The following PEDS1 variants were observed in gnomAD, a reference collection of about 807,000 sequenced individuals.
PEDS1 encodes plasmanylethanolamine desaturase 1.
Under a neutral mutation model 35.2 loss-of-function variants are expected in PEDS1, and 14 were observed. The ratio of observed to expected loss-of-function variants is 0.40; its 90% confidence interval spans 0.26 to 0.62. The LOEUF (loss-of-function observed/expected upper bound fraction) is 0.62, where lower values mean the gene tolerates loss of function less well. Ranked by LOEUF, PEDS1 falls within the 20% of genes least tolerant of loss-of-function variation. The pLI, the probability that PEDS1 is intolerant of heterozygous loss-of-function variation, is 0.44. For synonymous variants in PEDS1, 152 were observed against 152.0 expected, an observed-to-expected ratio of 1.00 and a Z score of 0.00; for missense variants, 260 against 367.8, an observed-to-expected ratio of 0.71 and a Z score of 2.40.
Position 50,153,691 on chromosome 20 carries a change from C to A in PEDS1, c.-54G>T. Reference sequence around the variant, plus strand: ...TCTGCTGGCGGCGGCGGCGGCAGGGCCGCGGAACCGCGGCGAGATCACGCC... The same window carrying A: ...TCTGCTGGCGGCGGCGGCGGCAGGGACGCGGAACCGCGGCGAGATCACGCC... On this transcript the variant is annotated 5_prime_UTR_variant, in exon 1 of 6. Coordinates refer to ENST00000371652, the MANE Select transcript of PEDS1 (RefSeq NM_199129.4). The A allele has an allele frequency of 9.3e-6, 11 of 1,185,614 alleles. No homozygotes were observed. Among genetic ancestry groups the A allele is most frequent in the Non-Finnish European group, 1.0e-5 (10 of 958,768 alleles). 73.4% of individuals were successfully genotyped at this position (1,185,614 alleles called of 1,614,324 possible). A position where few individuals can be genotyped will look rare whatever the true frequency, so the allele number is the denominator to read the frequency against.
chr20:50,125,197 G>A lies in PEDS1; in HGVS notation c.692-18C>T. The stretch of plus-strand genomic sequence containing the variant: ...GAGCCAGCCTGCAGTAGAAATGGCA[G>A]CGGGAGTTTGAATGGGAGAGAGTAG... On this transcript the variant is annotated intron_variant, in intron 5 of 5. Transcript: ENST00000371652. 6.2e-7 allele frequency: 1 copy of A among 1,612,936 alleles called. No homozygotes were observed.
At chr20:50,137,007 G>A (rs1437643043) in intron 2 of PEDS1, among the ~76,000 whole-genome samples, 1 of 152,098 alleles carries the variant, frequency 6.6e-6, no homozygotes, top group Non-Finnish European at 1.5e-5. Flanking sequence ...CTCCAGCCTG[G>A]GTGACAGAGG....
chr20:50,132,817 TGAGTCAA>T (rs1388097833), intron 2 of PEDS1, among the ~76,000 whole-genome samples: 2 of 152,154 alleles, frequency 1.3e-5, no homozygotes, highest in Non-Finnish European at 2.9e-5. Flanking sequence ...TTGCTGTCAT[TGAGTCAA>T]TCAACTAAGC....
intron 2 of PEDS1, among the ~76,000 whole-genome samples, chr20:50,133,571 G>A (rs1008087263): frequency 6.6e-6 from 1 of 152,162 alleles, no homozygotes; most frequent in Non-Finnish European, 1.5e-5. Context: ...GGCAGGGGCG[G>A]GGATGTAGAA....
intron 2 of PEDS1, among the ~76,000 whole-genome samples, chr20:50,139,340 G>A (rs2081268824): frequency 6.6e-6 from 1 of 151,980 alleles, no homozygotes; most frequent in Non-Finnish European, 1.5e-5. Flanking sequence ...ACTCACTCAC[G>A]ACAACGATGT....
intron 2 of PEDS1, among the ~76,000 whole-genome samples, chr20:50,131,781 C>T (rs1320914813): frequency 6.6e-6 from 1 of 151,784 alleles, no homozygotes; most frequent in Non-Finnish European, 1.5e-5. Flanking sequence ...AGGGTTCCCT[C>T]AGACTCCAAC....
Position 50,124,918 on chromosome 20 carries a change from G to A in PEDS1, c.*140C>T, listed in dbSNP as rs1188906528. 3.6e-6 allele frequency: 4 copies of A among 1,119,150 alleles called. No homozygotes were observed. The highest frequency in any genetic ancestry group is 1.5e-5 in the South Asian group (1 of 66,678). The allele number at this position is 1,119,150 out of a possible 1,614,324, so 69.3% of individuals were successfully genotyped here. On this transcript the variant is annotated 3_prime_UTR_variant, in exon 6 of 6. Coordinates refer to ENST00000371652, the MANE Select transcript of PEDS1 (RefSeq NM_199129.4). ...GGCTCAAGTATTCTGTGTCATGAGG[G>A]GTGGGCTGGGGTACCTGGGCCCAGC...
intron 2 of PEDS1, among the ~76,000 whole-genome samples, chr20:50,134,554 A>AAATG (rs556195523): frequency 1.3e-5 from 2 of 152,216 alleles, no homozygotes; most frequent in South Asian, 2.1e-4. Context: ...TCTCAAAAAT[A>AAATG]AATGAATGAA....
chr20:50,131,558 G>A (rs1221743235), intron 2 of PEDS1, among the ~76,000 whole-genome samples: 2 of 151,770 alleles, frequency 1.3e-5, no homozygotes. Context: ...GGAGGCGGAG[G>A]TTGCAGTGAG....
At chr20:50,125,689 G>A (rs974087146) in intron 5 of PEDS1, among the ~76,000 whole-genome samples, 11 of 152,042 alleles carry the variant, frequency 7.2e-5, no homozygotes, top group Admixed American at 1.3e-4. Context: ...CACCTCCCGG[G>A]TTCAAGTGAC....
In PEDS1 at chr20:50,129,278, C is replaced by G. The variant is rs1039957426; in HGVS notation, c.478+268G>C. 6.6e-6 allele frequency among the ~76,000 whole-genome samples: 1 copy of G among 152,146 alleles called. No homozygotes were observed. The highest frequency in any genetic ancestry group is 1.5e-5 in the Non-Finnish European group (1 of 68,034). ...GGGACGGTGGTAAACTGGAAAGACG[C>G]GTCCTGTCAAAGGCAGTGGCTGCAG... On this transcript the variant is annotated intron_variant, in intron 4 of 5. Transcript: ENST00000371652. The surrounding 1 kb of genome is among the most constrained non-coding windows in gnomAD (Gnocchi z 4.2).
At chr20:50,138,882 T>G (rs1351174902) in intron 2 of PEDS1, among the ~76,000 whole-genome samples, 2 of 152,200 alleles carry the variant, frequency 1.3e-5, no homozygotes, top group Non-Finnish European at 2.9e-5. Flanking sequence ...CAGGCTACCC[T>G]GACTCACGGG....
Position 50,143,638 on chromosome 20 carries a change from C to T in PEDS1, c.122-17G>A, listed in dbSNP as rs377280455. 1.2e-4 allele frequency: 194 copies of T among 1,613,498 alleles called. 1 individual carries two copies. The East Asian group carries it at 3.8e-3, about 32-fold the overall frequency. ...GGCGCTTGCCTGCAGGGAGCAGAGG[C>T]GAGAGGTAAAGGCTGGAAGGTCAAG... is the stretch of plus-strand genomic sequence containing the variant. On this transcript the variant is annotated splice_polypyrimidine_tract_variant and intron_variant, in intron 1 of 5. Coordinates refer to ENST00000371652, the MANE Select transcript of PEDS1 (RefSeq NM_199129.4).
intron 1 of PEDS1, among the ~76,000 whole-genome samples, chr20:50,147,013 G>A (rs1244959554): frequency 3.9e-5 from 6 of 152,122 alleles, no homozygotes; most frequent in Admixed American, 2.0e-4. Flanking sequence ...ACGGAGAGGC[G>A]GTGAGAAGGA....
rs139713354 is a variant in PEDS1, at chr20:50,129,809, A to G, written c.334-119T>C. ...CCGCCTTTGATCCTAAGTTTCCTCCACCCGGGATGCTTGAACATTCCCACC... is the reference window on the plus strand; with the variant it reads ...CCGCCTTTGATCCTAAGTTTCCTCCGCCCGGGATGCTTGAACATTCCCACC... On this transcript the variant is annotated intron_variant, in intron 3 of 5. Transcript: ENST00000371652. This position sits in a 1 kb window ranked among gnomAD's most constrained non-coding sequence, Gnocchi z 4.2. 3.7e-3 allele frequency: 5,370 copies of G among 1,466,464 alleles called. 100 individuals carry two copies. The highest frequency in any genetic ancestry group is 0.035 in the South Asian group (2,593 of 74,468). 90.8% of individuals were successfully genotyped at this position (1,466,464 alleles called of 1,614,324 possible).
Position 50,119,086 on chromosome 20 carries a change from AAACT to A in PEDS1, c.*5968_*5971del, listed in dbSNP as rs761569972. ...GGGTGTGAGGAAACAGGGACTCTGA[AAACT>A]TGTGAACTTAAACCGGCATGGCCTC... On this transcript the variant is annotated 3_prime_UTR_variant, in exon 6 of 6. Transcript: ENST00000371652. 6.6e-6 allele frequency: 1 copy of A among 152,212 alleles called. No homozygotes were observed. Among genetic ancestry groups the A allele is most frequent in the Non-Finnish European group, 1.5e-5 (1 of 68,050 alleles). The allele number at this position is 152,212 out of a possible 1,614,324, so 9.4% of individuals were successfully genotyped here.
chr20:50,136,653 G>A (rs2081237462), intron 2 of PEDS1, among the ~76,000 whole-genome samples: 1 of 139,748 alleles, frequency 7.2e-6, no homozygotes, highest in Non-Finnish European at 1.5e-5. Flanking sequence ...AACCTGGGAG[G>A]AAGAGGTAGC....
In PEDS1 at chr20:50,128,254, C is replaced by T; in HGVS notation, c.479-67G>A. 6.3e-7 allele frequency: 1 copy of T among 1,579,676 alleles called. No individual in the cohort carries two copies. On this transcript the variant is annotated intron_variant, in intron 4 of 5. Coordinates refer to ENST00000371652, the MANE Select transcript of PEDS1 (RefSeq NM_199129.4). The surrounding 1 kb of genome is among the most constrained non-coding windows in gnomAD (Gnocchi z 5.2). ...GGGACGGGGAACCCACCCCAAATGG[C>T]CCTCACCACCTGCTCCTGGGCGGCT...
rs2081044997 is a variant in PEDS1 at position 50,120,764 on chromosome 20, G to A, written c.*4294C>T. On this transcript the variant is annotated 3_prime_UTR_variant, in exon 6 of 6. Coordinates refer to ENST00000371652, the MANE Select transcript of PEDS1 (RefSeq NM_199129.4). Reference sequence around the variant, plus strand: ...TGAAATGGGAGGATTGCTTGAGCCTGGGAGGTTGAGTCTGCAGTGAGCGCA... The same window carrying A: ...TGAAATGGGAGGATTGCTTGAGCCTAGGAGGTTGAGTCTGCAGTGAGCGCA... 1 of 152,010 alleles carries A rather than the reference G, an allele frequency of 6.6e-6. No homozygotes were observed. The highest frequency in any genetic ancestry group is 2.4e-5 in the African/African-American group (1 of 41,352). The allele number at this position is 152,010 out of a possible 1,614,324, so 9.4% of individuals were successfully genotyped here.
Sources: allele counts gnomAD v4.1 joint callset (sites outside exome capture counted in the v4.1 genomes callset), GRCh38; gene constraint gnomAD v4.1.1; non-coding constraint Gnocchi (gnomAD v3.1); transcripts MANE v1.5; gene names NCBI Gene and HGNC (gene_info 2026-07-23, HGNC 2026-07-21).